Variants in NRN1 observed in about 807,000 individuals in gnomAD.
NRN1 encodes the protein neuritin 1.
Under a neutral mutation model 15.0 loss-of-function variants are expected in NRN1, and 4 were observed. That is an observed-to-expected ratio of 0.27 (90% CI 0.13 to 0.61). NRN1 has a LOEUF of 0.61. Among genes scored for constraint, NRN1 ranks in the 20% least tolerant of loss-of-function variants. The probability of loss-of-function intolerance (pLI) is 0.87; values close to 1 mark genes in which losing one functional copy is unlikely to be tolerated. For synonymous variants in NRN1, 85 were observed against 79.8 expected (o/e 1.07, Z -0.35); for missense variants, 134 against 181.9 (o/e 0.74, Z 1.51).
chr6:6,003,587 G>A, intron 1 of NRN1: 2 of 594,326 alleles, frequency 3.4e-6, no homozygotes, highest in Non-Finnish European at 4.9e-6. Flanking sequence ...GCTGAGCGGC[G>A]GGAGGAGGAG....
chr6:6,003,586 C>T, intron 1 of NRN1: 1 of 647,308 alleles, frequency 1.5e-6, no homozygotes, highest in Non-Finnish European at 2.2e-6. Context: ...AGCTGAGCGG[C>T]GGGAGGAGGA....
intron 1 of NRN1, chr6:6,003,984 C>A: frequency 8.2e-7 from 1 of 1,218,226 alleles, no homozygotes; most frequent in Non-Finnish European, 1.0e-6. Context: ...CGGCCCCCAA[C>A]GCGGGCGCCT....
Position 5,998,805 on chromosome 6 carries a change from A to G in NRN1, c.*171T>C. On this transcript the variant is annotated 3_prime_UTR_variant, in exon 3 of 3. Transcript: ENST00000244766. ...TGGTAACATTTGGCAAATAAAACAC[A>G]AGAAATCAAACGAAATAAAAAAGAG... The G allele has an allele frequency of 1.6e-6, 1 of 622,364 alleles. No individual in the cohort carries two copies. Among genetic ancestry groups the G allele is most frequent in the Non-Finnish European group, 2.8e-6 (1 of 359,480 alleles). 38.6% of individuals were successfully genotyped at this position (622,364 alleles called of 1,614,324 possible).
At chr6:6,003,212 C>T in intron 1 of NRN1, 1 of 1,234,488 alleles carries the variant, frequency 8.1e-7, no homozygotes, top group Non-Finnish European at 1.0e-6. Flanking sequence ...TGCACCCTCT[C>T]CCGCCCCGCT....
chr6:6,000,545 T>C (rs1757914812), intron 2 of NRN1, among the ~76,000 whole-genome samples: 1 of 152,016 alleles, frequency 6.6e-6, no homozygotes. Flanking sequence ...TGGCCTGGAC[T>C]GTAAGCACAT....
intron 1 of NRN1, chr6:6,003,694 G>A: frequency 8.1e-7 from 1 of 1,234,220 alleles, no homozygotes; most frequent in Non-Finnish European, 1.0e-6. Context: ...GGACTGGAAG[G>A]ACAGGTACCA....
intron 1 of NRN1, among the ~76,000 whole-genome samples, chr6:6,006,213 G>A (rs1025743207): frequency 6.6e-6 from 1 of 152,138 alleles, no homozygotes; most frequent in Non-Finnish European, 1.5e-5. Context: ...GAGGAGGGGC[G>A]GGAGAATGAC....
At chr6:6,003,242 C>T in intron 1 of NRN1, 1 of 1,234,542 alleles carries the variant, frequency 8.1e-7, no homozygotes, top group Non-Finnish European at 1.0e-6. Context: ...GCAGCCTGGA[C>T]GTCCTGAGAC....
chr6:6,002,299 G>C, intron 2 of NRN1, 54 bp downstream of exon 2: 2 of 1,595,358 alleles, frequency 1.3e-6, no homozygotes, highest in Admixed American at 1.7e-5. Context: ...GGCACTCTCC[G>C]ACCTCAGTAG....
At chr6:6,006,607 C>A in intron 1 of NRN1, 88 bp downstream of exon 1, 1 of 1,317,896 alleles carries the variant, frequency 7.6e-7, no homozygotes, top group Non-Finnish European at 1.1e-6. Context: ...CTGGGGCGGC[C>A]GCGGACCCGC....
At chr6:5,999,807 C>A (rs1014112011) in intron 2 of NRN1, among the ~76,000 whole-genome samples, 1 of 152,078 alleles carries the variant, frequency 6.6e-6, no homozygotes. Flanking sequence ...TTTCTTTTTC[C>A]GTTCCGTCTG....
chr6:6,000,309 C>T (rs675770), intron 2 of NRN1, among the ~76,000 whole-genome samples: 69,711 of 152,062 alleles, frequency 0.46, 16,848 homozygotes, highest in East Asian at 0.74. Context: ...TCCCTTTTGA[C>T]TGTCCCCCTT....
Position 5,998,773 on chromosome 6 carries a change from C to T in NRN1, c.*203G>A. On this transcript the variant is annotated 3_prime_UTR_variant, in exon 3 of 3. Transcript: ENST00000244766. Reference sequence around the variant, plus strand: ...CCGATTTTGGCTGTGCTTGCTTGCTCACTGATTGGTAACATTTGGCAAATA... The same window carrying T: ...CCGATTTTGGCTGTGCTTGCTTGCTTACTGATTGGTAACATTTGGCAAATA... 5.2e-6 allele frequency: 3 copies of T among 581,506 alleles called. No homozygotes were observed. Among genetic ancestry groups the T allele is most frequent in the Non-Finnish European group, 9.1e-6 (3 of 328,598 alleles). The allele number at this position is 581,506 out of a possible 1,614,324, so 36.0% of individuals were successfully genotyped here.
intron 1 of NRN1, among the ~76,000 whole-genome samples, chr6:6,003,532 T>C (rs547114612): frequency 2.0e-5 from 3 of 152,284 alleles, no homozygotes; most frequent in South Asian, 4.1e-4. Flanking sequence ...CCGGGGCTCC[T>C]GGCCCCAGCT....
intron 2 of NRN1, among the ~76,000 whole-genome samples, chr6:5,999,585 G>A (rs961951215): frequency 1.3e-5 from 2 of 152,238 alleles, no homozygotes; most frequent in Non-Finnish European, 2.9e-5. Context: ...GCTAAGCCTC[G>A]CAAGCTGCCG....
At chr6:6,003,169 C>G (rs1184878432) in intron 1 of NRN1, 129 of 1,232,618 alleles carry the variant, frequency 1.0e-4, no homozygotes, top group Non-Finnish European at 1.2e-4. Context: ...GATTGCCTAC[C>G]GTGGACTCTG....
At chr6:6,001,851 G>A (rs1757955143) in intron 2 of NRN1, among the ~76,000 whole-genome samples, 1 of 152,228 alleles carries the variant, frequency 6.6e-6, no homozygotes, top group African/African-American at 2.4e-5. Context: ...GAAATGGACA[G>A]AAGAGAGGAG....
chr6:6,006,649 G>A (rs1347681769), intron 1 of NRN1, 46 bp downstream of exon 1: 2 of 1,598,702 alleles, frequency 1.3e-6, no homozygotes, highest in Non-Finnish European at 1.7e-6. Context: ...GCCGGGGCAG[G>A]CTGCCTCCCG....
At chr6:6,003,808 G>C in intron 1 of NRN1, 1 of 1,233,872 alleles carries the variant, frequency 8.1e-7, no homozygotes, top group Non-Finnish European at 1.0e-6. Context: ...GCGCCGGGAG[G>C]GCGCCAGAGA....
Sources: gnomAD v4.1 joint callset for allele counts (sites outside exome capture counted in the v4.1 genomes callset) on GRCh38, gnomAD v4.1.1 for gene constraint, MANE v1.5 for transcripts, NCBI Gene and HGNC (gene_info 2026-07-23, HGNC 2026-07-21) for gene names.